KCNH8: variants seen among roughly 807,000 people sequenced by gnomAD.
The protein encoded by KCNH8 is voltage-gated delayed rectifier potassium channel KCNH8.
In KCNH8, 70 loss-of-function variants were observed where a neutral mutation model predicts 103.6. The ratio of observed to expected loss-of-function variants is 0.68; its 90% CI spans 0.56 to 0.82. The LOEUF (loss-of-function observed/expected upper bound fraction) is 0.82, where lower values mean the gene tolerates loss of function less well. Ranked by LOEUF, KCNH8 falls within the 40% of genes least tolerant of loss-of-function variation. The pLI is 0.00. For synonymous variants in KCNH8, 498 were observed against 489.4 expected (o/e 1.02, Z -0.23); for missense variants, 1,217 against 1,329.9 (o/e 0.92, Z 1.32).
intron 1 of KCNH8, among the ~76,000 whole-genome samples, chr3:19,158,899 T>C (rs180688922): frequency 1.3e-4 from 20 of 152,068 alleles, no homozygotes; most frequent in African/African-American, 4.3e-4. Flanking sequence ...TCTTACTTTT[T>C]CCCTTTTGTT....
At chr3:19,303,430 G>A (rs2093467728) in intron 3 of KCNH8, among the ~76,000 whole-genome samples, 1 of 152,108 alleles carries the variant, frequency 6.6e-6, no homozygotes, top group African/African-American at 2.4e-5. Context: ...AAGCGGCAGT[G>A]GAAAGAGCTA....
chr3:19,372,271 A>G (rs1365715888), intron 5 of KCNH8, among the ~76,000 whole-genome samples: 48 of 149,794 alleles, frequency 3.2e-4, no homozygotes, highest in African/African-American at 9.4e-4. Context: ...ATTTGTTTGT[A>G]TCCTCTTTTA....
At chr3:19,368,640 T>C (rs889593130) in intron 5 of KCNH8, among the ~76,000 whole-genome samples, 4 of 152,016 alleles carry the variant, frequency 2.6e-5, no homozygotes, top group African/African-American at 9.7e-5. Flanking sequence ...AAAGATTATA[T>C]ACTTAGAAGC....
intron 5 of KCNH8, among the ~76,000 whole-genome samples, chr3:19,387,593 A>G (rs2066374683): frequency 6.6e-6 from 1 of 152,128 alleles, no homozygotes; most frequent in Non-Finnish European, 1.5e-5. Context: ...TGAATAAATA[A>G]TATTGATTGG....
chr3:19,483,403 T>TG (rs2068131354), intron 11 of KCNH8, among the ~76,000 whole-genome samples: 1 of 151,702 alleles, frequency 6.6e-6, no homozygotes, highest in South Asian at 2.1e-4. Flanking sequence ...GTGAGTGGAT[T>TG]TTTTTTTTCT....
chr3:19,321,398 C>G (rs1177563241), intron 3 of KCNH8, among the ~76,000 whole-genome samples: 1 of 150,432 alleles, frequency 6.6e-6, no homozygotes, highest in Non-Finnish European at 1.5e-5. Flanking sequence ...TTTTTCAGTT[C>G]AAAGAATTTT....
rs537340636 is a variant in KCNH8 at position 19,165,949 on chromosome 3, C to T, written c.76+17154C>T. Among the ~76,000 whole-genome samples the T allele has an allele frequency of 4.6e-5, 7 of 152,290 alleles. No homozygotes were observed. In the East Asian group the frequency reaches 1.4e-3, roughly 29 times the overall value. ...TCCTGTCAGCAGAAGTAGAACAAAG[C>T]CAGCCCAATAACACAAATGATTTTC... On this transcript the variant is annotated intron_variant, in intron 1 of 15. Transcript: ENST00000328405.
At chr3:19,498,279 GT>G (rs2068489074) in intron 11 of KCNH8, among the ~76,000 whole-genome samples, 1 of 152,162 alleles carries the variant, frequency 6.6e-6, no homozygotes, top group South Asian at 2.1e-4. Context: ...ATCCTTTTAT[GT>G]TGTTAGCTGG....
chr3:19,193,843 C>T (rs2063575741), intron 1 of KCNH8, among the ~76,000 whole-genome samples: 1 of 151,560 alleles, frequency 6.6e-6, no homozygotes, highest in South Asian at 2.1e-4. Context: ...GCACTTCTCT[C>T]TTGTAGTTTT....
chr3:19,227,885 G>A (rs1412411533), intron 1 of KCNH8, among the ~76,000 whole-genome samples: 2 of 152,162 alleles, frequency 1.3e-5, no homozygotes, highest in East Asian at 3.9e-4. Context: ...GTTTCCAGGG[G>A]AAAGGAACCA....
intron 11 of KCNH8, among the ~76,000 whole-genome samples, chr3:19,461,673 CTT>C (rs2067631545): frequency 6.6e-6 from 1 of 151,980 alleles, no homozygotes; most frequent in African/African-American, 2.4e-5. Flanking sequence ...TTTTTTGTTT[CTT>C]TGTTATTATA....
At chr3:19,407,142 T>C (rs2066704331) in intron 7 of KCNH8, among the ~76,000 whole-genome samples, 1 of 152,180 alleles carries the variant, frequency 6.6e-6, no homozygotes, top group Admixed American at 6.5e-5. Context: ...TATGCTTCTA[T>C]TCTGAAGCCC....
intron 10 of KCNH8, 129 bp downstream of exon 10, chr3:19,451,533 C>A: frequency 2.5e-6 from 2 of 794,216 alleles, no homozygotes; most frequent in Non-Finnish European, 2.0e-6. Context: ...AGGAGTATTC[C>A]TCATATGAGT....
intron 15 of KCNH8, among the ~76,000 whole-genome samples, chr3:19,530,600 T>C (rs752062175): frequency 6.6e-6 from 1 of 152,208 alleles, no homozygotes; most frequent in Non-Finnish European, 1.5e-5. Context: ...TAGTTTGCTA[T>C]GAAGATATTT....
chr3:19,155,615 C>T (rs1485448845), intron 1 of KCNH8, among the ~76,000 whole-genome samples: 1 of 152,220 alleles, frequency 6.6e-6, no homozygotes, highest in Non-Finnish European at 1.5e-5. Flanking sequence ...TTTCCAACCA[C>T]TGTCTCCCAG....
intron 11 of KCNH8, among the ~76,000 whole-genome samples, chr3:19,489,453 C>T (rs544550602): frequency 1.1e-4 from 17 of 152,132 alleles, no homozygotes; most frequent in Admixed American, 1.3e-4. Context: ...GGAATTGATA[C>T]GGGAATTGAT....
intron 1 of KCNH8, among the ~76,000 whole-genome samples, chr3:19,223,572 A>G (rs2063898528): frequency 6.6e-6 from 1 of 152,072 alleles, no homozygotes; most frequent in Non-Finnish European, 1.5e-5. Context: ...AAGTTTGTGT[A>G]AGTTAAATGT....
intron 1 of KCNH8, among the ~76,000 whole-genome samples, chr3:19,182,282 A>G (rs1351858791): frequency 6.6e-6 from 1 of 151,854 alleles, no homozygotes; most frequent in Non-Finnish European, 1.5e-5. Flanking sequence ...TAATCCCAGC[A>G]CTTTCGGAGG....
intron 3 of KCNH8, among the ~76,000 whole-genome samples, chr3:19,296,087 A>G (rs536455915): frequency 1.3e-5 from 2 of 152,296 alleles, no homozygotes; most frequent in East Asian, 3.9e-4. Flanking sequence ...AGATTTATAT[A>G]TATTTATTTG....
Sources: allele counts gnomAD v4.1 joint callset (sites outside exome capture counted in the v4.1 genomes callset), GRCh38; gene constraint gnomAD v4.1.1; transcripts MANE v1.5; gene names NCBI Gene and HGNC (gene_info 2026-07-23, HGNC 2026-07-21).